TSPAN9: variants seen among roughly 807,000 people sequenced by gnomAD.
The protein encoded by TSPAN9 is tetraspanin-9.
A neutral mutation model predicts 31.0 loss-of-function variants in TSPAN9; 16 were observed. That is an observed-to-expected ratio of 0.52 (90% CI 0.35 to 0.78). The LOEUF (loss-of-function observed/expected upper bound fraction) is 0.78, where lower values mean the gene tolerates loss of function less well. Ranked by LOEUF, TSPAN9 falls within the 30% of genes least tolerant of loss-of-function variation. The probability of loss-of-function intolerance (pLI) is 0.01; values close to 1 mark genes in which losing one functional copy is unlikely to be tolerated. For synonymous variants in TSPAN9, 145 were observed against 121.6 expected (o/e 1.19, Z -1.27); for missense variants, 272 against 312.5 (o/e 0.87, Z 0.98).
intron 3 of TSPAN9, among the ~76,000 whole-genome samples, chr12:3,248,249 T>C (rs1862178467): frequency 6.6e-6 from 1 of 152,168 alleles, no homozygotes; most frequent in African/African-American, 2.4e-5. Context: ...TCTCTACTTA[T>C]TTAGCTTTGA....
rs3825349 is a variant in TSPAN9, at chr12:3,245,444, G to A, written c.64-32977G>A. Among the ~76,000 whole-genome samples, 1,120 of 152,308 alleles carry A rather than the reference G, an allele frequency of 7.4e-3. 41 individuals are homozygous for A. The East Asian group carries it at 0.1, about 14-fold the overall frequency. ...TTTTCTCAGCCCCCTTTTGTGTGCT[G>A]CAAAGGAGGGAAGCAAGTTGAGTTG... is the stretch of plus-strand genomic sequence containing the variant. On this transcript the variant is annotated intron_variant, in intron 3 of 8. Coordinates refer to ENST00000011898, the MANE Select transcript of TSPAN9 (RefSeq NM_006675.5).
At chr12:3,141,252 C>T (rs2098334711) in intron 2 of TSPAN9, among the ~76,000 whole-genome samples, 1 of 152,168 alleles carries the variant, frequency 6.6e-6, no homozygotes, top group Non-Finnish European at 1.5e-5. Flanking sequence ...CCAGAACCTT[C>T]TTCCTCCCTC....
intron 2 of TSPAN9, among the ~76,000 whole-genome samples, chr12:3,174,594 A>T (rs1466441024): frequency 2.6e-5 from 4 of 151,510 alleles, no homozygotes; most frequent in Admixed American, 6.6e-5. Flanking sequence ...ATTTATTTTT[A>T]TTTTTTGAGA....
intron 3 of TSPAN9, among the ~76,000 whole-genome samples, chr12:3,243,642 C>G (rs1379029886): frequency 6.6e-6 from 1 of 152,132 alleles, no homozygotes; most frequent in East Asian, 1.9e-4. Flanking sequence ...CAGGCATCGG[C>G]CCTCCTGCTG....
At chr12:3,258,695 C>T (rs959615472) in intron 3 of TSPAN9, among the ~76,000 whole-genome samples, 3 of 152,158 alleles carry the variant, frequency 2.0e-5, no homozygotes, top group African/African-American at 7.2e-5. Context: ...TTCCTTGACC[C>T]ACTCCCCTGC....
intron 2 of TSPAN9, among the ~76,000 whole-genome samples, chr12:3,122,850 T>C (rs1468321618): frequency 2.0e-5 from 3 of 152,208 alleles, no homozygotes; most frequent in African/African-American, 7.2e-5. Context: ...TACTGGCAGG[T>C]TGAAAGCAGG....
At chr12:3,206,594 G>GTT (rs113931308) in intron 3 of TSPAN9, among the ~76,000 whole-genome samples, 1 of 145,150 alleles carries the variant, frequency 6.9e-6, no homozygotes, top group Non-Finnish European at 1.5e-5. Context: ...GTTTTGTTTT[G>GTT]TTTTTTTTTT....
intron 2 of TSPAN9, among the ~76,000 whole-genome samples, chr12:3,197,283 G>A (rs1167450289): frequency 1.3e-5 from 2 of 152,284 alleles, no homozygotes; most frequent in Non-Finnish European, 2.9e-5. Context: ...AGAATGAAGC[G>A]GCAGCCGTGG....
intron 3 of TSPAN9, among the ~76,000 whole-genome samples, chr12:3,260,919 G>C (rs186667538): frequency 6.6e-6 from 1 of 152,210 alleles, no homozygotes; most frequent in Non-Finnish European, 1.5e-5. Flanking sequence ...ATATGGAAAT[G>C]ATGAGCCTCT....
intron 3 of TSPAN9, among the ~76,000 whole-genome samples, chr12:3,204,384 A>G (rs2098373788): frequency 6.6e-6 from 1 of 152,094 alleles, no homozygotes; most frequent in Admixed American, 6.5e-5. Context: ...CGGAGCTTCT[A>G]GGGTACTAGT....
At chr12:3,094,916 A>G (rs979807863) in intron 2 of TSPAN9, among the ~76,000 whole-genome samples, 6 of 118,540 alleles carry the variant, frequency 5.1e-5, no homozygotes, top group Non-Finnish European at 1.7e-5. Flanking sequence ...TGTTTCTCAC[A>G]GAGGGGGATT....
chr12:3,274,186 C>A (rs902817366), intron 3 of TSPAN9, among the ~76,000 whole-genome samples: 12 of 152,160 alleles, frequency 7.9e-5, no homozygotes, highest in African/African-American at 1.7e-4. Context: ...CCCATTGTGG[C>A]AACCAAAAAC....
At chr12:3,198,837 A>T (rs1193260158) in intron 2 of TSPAN9, among the ~76,000 whole-genome samples, 1 of 13,126 alleles carries the variant, frequency 7.6e-5, no homozygotes, top group Non-Finnish European at 2.1e-4. Flanking sequence ...AGCACAGGTC[A>T]CACCAGCACA....
At chr12:3,110,356 T>C (rs1202352662) in intron 2 of TSPAN9, among the ~76,000 whole-genome samples, 3 of 152,222 alleles carry the variant, frequency 2.0e-5, no homozygotes, top group Non-Finnish European at 4.4e-5. Flanking sequence ...GATACTAATT[T>C]ACAAATTTTT....
At chr12:3,139,636 C>T (rs1430910538) in intron 2 of TSPAN9, among the ~76,000 whole-genome samples, 1 of 152,158 alleles carries the variant, frequency 6.6e-6, no homozygotes, top group Non-Finnish European at 1.5e-5. Flanking sequence ...TGGTGTGACT[C>T]CCAGGCTCAA....
At chr12:3,090,805 T>C (rs1441842779) in intron 2 of TSPAN9, among the ~76,000 whole-genome samples, 3 of 151,854 alleles carry the variant, frequency 2.0e-5, no homozygotes, top group African/African-American at 7.3e-5. Flanking sequence ...GCAGAGATAA[T>C]GAGGAATAGA....
rs181508818 is a variant in TSPAN9 at position 3,164,922 on chromosome 12, C to G, written c.-17-36255C>G. ...CTGCTTTGTGACCTTGGGATAATCC[C>G]TGGACATTTCAGAGCCTTGAACGTG... On this transcript the variant is annotated intron_variant, in intron 2 of 8. Coordinates refer to ENST00000011898, the MANE Select transcript of TSPAN9 (RefSeq NM_006675.5). Among the ~76,000 whole-genome samples, 6 of 152,320 alleles carry G rather than the reference C, an allele frequency of 3.9e-5. No homozygotes were observed. In the East Asian group the frequency reaches 7.7e-4, roughly 20 times the overall value.
chr12:3,099,864 C>T (rs1322100639), intron 2 of TSPAN9, among the ~76,000 whole-genome samples: 4 of 124,620 alleles, frequency 3.2e-5, no homozygotes, highest in South Asian at 5.3e-4. Context: ...TTTTTTGGGA[C>T]GGAGTCTTGC....
At chr12:3,174,704 TC>T (rs1304933749) in intron 2 of TSPAN9, among the ~76,000 whole-genome samples, 1 of 151,512 alleles carries the variant, frequency 6.6e-6, no homozygotes, top group Non-Finnish European at 1.5e-5. Flanking sequence ...TGCCTCAGCC[TC>T]CCGAGTAGCT....
Sources: gnomAD v4.1 joint callset for allele counts (sites outside exome capture counted in the v4.1 genomes callset) on GRCh38, gnomAD v4.1.1 for gene constraint, MANE v1.5 for transcripts, NCBI Gene and HGNC (gene_info 2026-07-23, HGNC 2026-07-21) for gene names.